The following AJAP1 variants were observed in gnomAD, a reference collection of about 807,000 sequenced individuals.
The protein encoded by AJAP1 is adherens junctions associated protein 1.
In AJAP1, 5 loss-of-function variants were observed where a neutral mutation model predicts 35.0. The observed-to-expected ratio is 0.14, with a 90% confidence interval of 0.07 to 0.30. The LOEUF is 0.30. Among genes scored for constraint, AJAP1 ranks in the 10% least tolerant of loss-of-function variants. The probability of loss-of-function intolerance (pLI) is 1.00; values close to 1 mark genes in which losing one functional copy is unlikely to be tolerated. For synonymous variants in AJAP1, 284 were observed against 249.3 expected (o/e 1.14, Z -1.31); for missense variants, 586 against 571.0 (o/e 1.03, Z -0.27).
Position 4,655,436 on chromosome 1 carries a change from A to G in AJAP1, c.11A>G (p.Gln4Arg). 6.4e-7 allele frequency: 1 copy of G among 1,571,146 alleles called. No individual in the cohort carries two copies. Among genetic ancestry groups the G allele is most frequent in the Non-Finnish European group, 8.6e-7 (1 of 1,159,066 alleles). MWI[Q>R]QLLGLSSMSI... The stretch of plus-strand genomic sequence containing the variant: ...CCCCGAAACGTGACCATGTGGATTC[A>G]ACAGCTTTTAGGACTCAGGTGAGCG... Residue 4 changes from glutamine to arginine, a missense_variant, in exon 1 of 6, where the codon CAA becomes CGA. By Grantham distance (43) the Gln-to-Arg change is conservative. Transcript: ENST00000378191. The surrounding 1 kb of genome is among the most constrained non-coding windows in gnomAD (Gnocchi z 6.9).
intron 1 of AJAP1, among the ~76,000 whole-genome samples, chr1:4,658,652 G>A (rs1160429861): frequency 2.0e-5 from 3 of 152,236 alleles, no homozygotes; most frequent in Non-Finnish European, 4.4e-5. Context: ...GGCAACATCG[G>A]TACATACCCC....
intron 1 of AJAP1, among the ~76,000 whole-genome samples, chr1:4,694,561 T>C (rs1442001441): frequency 6.6e-6 from 1 of 152,216 alleles, no homozygotes; most frequent in Non-Finnish European, 1.5e-5. Context: ...CCACAGCAGA[T>C]GGAACATTAC....
chr1:4,780,969 G>A (rs1276908376), intron 5 of AJAP1, among the ~76,000 whole-genome samples: 1 of 152,152 alleles, frequency 6.6e-6, no homozygotes, highest in Admixed American at 6.5e-5. Context: ...GCAGCAAGCA[G>A]GAAGGTGACG....
At chr1:4,756,384 T>C (rs921046498) in intron 2 of AJAP1, among the ~76,000 whole-genome samples, 1 of 152,156 alleles carries the variant, frequency 6.6e-6, no homozygotes, top group African/African-American at 2.4e-5. Flanking sequence ...TGCGGTAGTC[T>C]CATGGCATGG....
At chr1:4,690,105 C>G (rs1177605284) in intron 1 of AJAP1, among the ~76,000 whole-genome samples, 3 of 152,182 alleles carry the variant, frequency 2.0e-5, no homozygotes, top group African/African-American at 4.8e-5. Flanking sequence ...CAGTGCCTGC[C>G]CTGGAGGGGT....
intron 1 of AJAP1, among the ~76,000 whole-genome samples, chr1:4,689,921 G>A (rs374995168): frequency 3.3e-5 from 5 of 152,146 alleles, no homozygotes; most frequent in Non-Finnish European, 5.9e-5. Flanking sequence ...TCCTTCCAAC[G>A]AGAAAAGGGG....
chr1:4,775,378 A>T (rs930595409), intron 5 of AJAP1, among the ~76,000 whole-genome samples: 8 of 152,170 alleles, frequency 5.3e-5, no homozygotes, highest in African/African-American at 1.9e-4. Context: ...ACGCATCCTC[A>T]TCTTGCTTCC....
intron 4 of AJAP1, among the ~76,000 whole-genome samples, chr1:4,773,902 C>A (rs925725498): frequency 1.3e-5 from 2 of 152,174 alleles, no homozygotes; most frequent in Non-Finnish European, 2.9e-5. Flanking sequence ...TGCTCTCGTG[C>A]CCTGGCATGG....
chr1:4,692,358 CCT>C lies in AJAP1; in HGVS notation c.30-19538_30-19537del, dbSNP rs1025159931. Among the ~76,000 whole-genome samples, 3 of 152,144 alleles carry C rather than the reference CCT, an allele frequency of 2.0e-5. No individual in the cohort carries two copies. Among genetic ancestry groups the C allele is most frequent in the Non-Finnish European group, 2.9e-5 (2 of 68,024 alleles). ...CCTCATGCAGCCCTTTCCCTTCTGG[CCT>C]CTCAGCCTGCAGGAGAGGCTGGGGG... is the stretch of plus-strand genomic sequence containing the variant. On this transcript the variant is annotated intron_variant, in intron 1 of 5. Coordinates refer to ENST00000378191, the MANE Select transcript of AJAP1 (RefSeq NM_018836.4). The surrounding 1 kb of genome is among the most constrained non-coding windows in gnomAD (Gnocchi z 4.4).
intron 2 of AJAP1, among the ~76,000 whole-genome samples, chr1:4,754,477 G>A (rs1281585719): frequency 6.6e-6 from 1 of 152,164 alleles, no homozygotes; most frequent in Non-Finnish European, 1.5e-5. Context: ...TGAGTTTCCA[G>A]TCTCTCAGGC....
At chr1:4,747,972 A>G (rs1641228530) in intron 2 of AJAP1, among the ~76,000 whole-genome samples, 1 of 149,956 alleles carries the variant, frequency 6.7e-6, no homozygotes, top group Non-Finnish European at 1.5e-5. Flanking sequence ...AGCCTGGGTG[A>G]CAGAGCCAGA....
chr1:4,674,021 T>C (rs1005113835), intron 1 of AJAP1, among the ~76,000 whole-genome samples: 2 of 110,118 alleles, frequency 1.8e-5, no homozygotes, highest in African/African-American at 7.6e-5. Flanking sequence ...TTGCATGAGA[T>C]AGGCTTATCC....
chr1:4,763,291 G>A (rs1370571391), intron 2 of AJAP1, among the ~76,000 whole-genome samples: 1 of 152,236 alleles, frequency 6.6e-6, no homozygotes, highest in Admixed American at 6.5e-5. Flanking sequence ...CCTGGGGACT[G>A]CCCTTCACTG....
intron 1 of AJAP1, among the ~76,000 whole-genome samples, chr1:4,698,229 C>T (rs922363134): frequency 2.6e-5 from 4 of 152,094 alleles, no homozygotes; most frequent in Non-Finnish European, 2.9e-5. Flanking sequence ...CTAGATGGGC[C>T]GCTAAGGGGC....
rs1286150714 is a variant in AJAP1 at position 4,654,707 on chromosome 1, G to T, written c.-719G>T. On this transcript the variant is annotated 5_prime_UTR_variant, in exon 1 of 6. Coordinates refer to ENST00000378191, the MANE Select transcript of AJAP1 (RefSeq NM_018836.4). The surrounding 1 kb of genome is among the most constrained non-coding windows in gnomAD (Gnocchi z 5.1). ...CCCGGGATCCCCGCGCGCCTCCTCC[G>T]CGCGGCGCCGCCGCCGCGCGTCCCC... is the stretch of plus-strand genomic sequence containing the variant. 6.8e-6 allele frequency: 1 copy of T among 146,324 alleles called. No homozygotes were observed. The highest frequency in any genetic ancestry group is 1.5e-5 in the Non-Finnish European group (1 of 65,900). The allele number at this position is 146,324 out of a possible 1,614,324, so 9.1% of individuals were successfully genotyped here. A position where few individuals can be genotyped will look rare whatever the true frequency, so the allele number is the denominator to read the frequency against.
chr1:4,705,878 A>C (rs766934617), intron 1 of AJAP1, among the ~76,000 whole-genome samples: 12 of 152,078 alleles, frequency 7.9e-5, no homozygotes, highest in African/African-American at 2.9e-4. Context: ...CGCTAAGCTA[A>C]GTGCAAACTG....
intron 2 of AJAP1, among the ~76,000 whole-genome samples, chr1:4,763,619 G>T (rs1319698985): frequency 6.6e-6 from 1 of 152,164 alleles, no homozygotes; most frequent in East Asian, 1.9e-4. Context: ...TGGAAGATCC[G>T]CATTCAGCCA....
At chr1:4,707,719 T>C (rs1221250526) in intron 1 of AJAP1, among the ~76,000 whole-genome samples, 1 of 152,154 alleles carries the variant, frequency 6.6e-6, no homozygotes, top group Admixed American at 6.5e-5. Context: ...AGTGTGGCCC[T>C]GGGCCTCCCA....
At position 4,782,423 on chromosome 1, in the gene AJAP1, G is replaced by A. The variant is rs143865085; in HGVS notation, c.*60-122G>A. 1 of 234,952 alleles carries A rather than the reference G, an allele frequency of 4.3e-6. No individual in the cohort carries two copies. The highest frequency in any genetic ancestry group is 7.4e-5 in the East Asian group (1 of 13,530). 14.6% of individuals were successfully genotyped at this position (234,952 alleles called of 1,614,324 possible). A position where few individuals can be genotyped will look rare whatever the true frequency, so the allele number is the denominator to read the frequency against. On this transcript the variant is annotated intron_variant, in intron 5 of 5. Transcript: ENST00000378191. This position sits in a 1 kb window ranked among gnomAD's most constrained non-coding sequence, Gnocchi z 5.3. ...CCGTGTCAGTGAACCGATAAAGGGA[G>A]TGATCGGGCTCTGCATGCGGGGGTG...
Sources: gnomAD v4.1 joint callset for allele counts (sites outside exome capture counted in the v4.1 genomes callset) on GRCh38, gnomAD v4.1.1 for gene constraint, Gnocchi (gnomAD v3.1) non-coding constraint, MANE v1.5 for transcripts, NCBI Gene and HGNC (gene_info 2026-07-23, HGNC 2026-07-21) for gene names.